Variants in CNTN4 observed in about 807,000 individuals in gnomAD.
The protein encoded by CNTN4 is contactin-4.
A neutral mutation model predicts 122.5 loss-of-function variants in CNTN4; 77 were observed. The ratio of observed to expected loss-of-function variants is 0.63; its 90% CI spans 0.52 to 0.76. The LOEUF (loss-of-function observed/expected upper bound fraction) is 0.76, where lower values mean the gene tolerates loss of function less well. CNTN4 is among the 30% of genes least tolerant of loss of function. The probability of loss-of-function intolerance (pLI) is 0.00; values close to 1 mark genes in which losing one functional copy is unlikely to be tolerated. For missense variants in CNTN4, 1,256 were observed against 1,259.1 expected, an observed-to-expected ratio of 1.00 and a Z score of 0.04; for synonymous variants, 512 against 447.0, an observed-to-expected ratio of 1.15 and a Z score of -1.83.
At chr3:2,909,171 C>T (rs1172739337) in intron 12 of CNTN4, among the ~76,000 whole-genome samples, 4 of 152,280 alleles carry the variant, frequency 2.6e-5, no homozygotes, top group Admixed American at 6.5e-5. Flanking sequence ...TGATCAGCAT[C>T]GAATGAGAGG....
At chr3:2,958,431 T>C (rs929044404) in intron 13 of CNTN4, among the ~76,000 whole-genome samples, 13 of 152,206 alleles carry the variant, frequency 8.5e-5, no homozygotes, top group Non-Finnish European at 1.8e-4. Flanking sequence ...ACTCAGTTTA[T>C]TGAATTCTCA....
intron 3 of CNTN4, among the ~76,000 whole-genome samples, chr3:2,361,518 A>T (rs2045138478): frequency 6.6e-6 from 1 of 152,092 alleles, no homozygotes; most frequent in Non-Finnish European, 1.5e-5. Flanking sequence ...TCTGTACTAT[A>T]CCCTGGGGTC....
intron 3 of CNTN4, among the ~76,000 whole-genome samples, chr3:2,419,956 G>T (rs564963363): frequency 1.3e-5 from 2 of 151,984 alleles, no homozygotes; most frequent in Non-Finnish European, 2.9e-5. Context: ...GTTACAGATC[G>T]AATTGTCCCA....
At chr3:2,516,052 TGTTA>T (rs1300566784) in intron 3 of CNTN4, among the ~76,000 whole-genome samples, 2 of 152,100 alleles carry the variant, frequency 1.3e-5, no homozygotes, top group African/African-American at 2.4e-5. Context: ...AGCTTTTAAA[TGTTA>T]GTTGAAATAC....
Position 2,653,125 on chromosome 3 carries a change from G to A in CNTN4, c.55+81567G>A, listed in dbSNP as rs575086971. Among the ~76,000 whole-genome samples, 484 of 151,888 alleles carry A rather than the reference G, an allele frequency of 3.2e-3. 2 individuals carry two copies. The highest frequency in any genetic ancestry group is 0.011 in the African/African-American group (461 of 41,436). ...ATCAGTTCTCTATCATTTTTAAAGGGGGAATTTTAAAACATACGCGTTAAT... is the reference window on the plus strand; with the variant it reads ...ATCAGTTCTCTATCATTTTTAAAGGAGGAATTTTAAAACATACGCGTTAAT... On this transcript the variant is annotated intron_variant, in intron 4 of 24. Coordinates refer to ENST00000418658, the MANE Select transcript of CNTN4 (RefSeq NM_175607.3).
At chr3:2,294,633 C>T (rs1382036186) in intron 2 of CNTN4, among the ~76,000 whole-genome samples, 2 of 151,868 alleles carry the variant, frequency 1.3e-5, no homozygotes, top group African/African-American at 4.8e-5. Flanking sequence ...GTTTCAAAAA[C>T]AACAACAACA....
At chr3:2,850,762 T>C (rs561395274) in intron 7 of CNTN4, among the ~76,000 whole-genome samples, 1 of 152,376 alleles carries the variant, frequency 6.6e-6, no homozygotes, top group Admixed American at 6.5e-5. Flanking sequence ...AATAGATTTG[T>C]GTATTTTTCA....
intron 2 of CNTN4, among the ~76,000 whole-genome samples, chr3:2,195,067 C>T (rs2037773636): frequency 6.6e-6 from 1 of 152,332 alleles, no homozygotes. Flanking sequence ...CCCATTCCCT[C>T]CTTCCCTACA....
chr3:2,851,859 A>G (rs2093555866), intron 7 of CNTN4, among the ~76,000 whole-genome samples: 1 of 152,246 alleles, frequency 6.6e-6, no homozygotes, highest in East Asian at 1.9e-4. Flanking sequence ...AAGAAGAAGA[A>G]AAAATAATAA....
At chr3:2,797,137 A>T (rs2092211312) in intron 6 of CNTN4, among the ~76,000 whole-genome samples, 1 of 152,170 alleles carries the variant, frequency 6.6e-6, no homozygotes, top group Non-Finnish European at 1.5e-5. Flanking sequence ...AGTAGCTAGA[A>T]TTATAGGTGT....
chr3:2,447,817 T>C (rs190663911), intron 3 of CNTN4, among the ~76,000 whole-genome samples: 1 of 152,310 alleles, frequency 6.6e-6, no homozygotes, highest in Admixed American at 6.5e-5. Context: ...TGTTAATAAG[T>C]ACTTCAAATG....
chr3:2,866,342 A>G, intron 7 of CNTN4: 1 of 314,994 alleles, frequency 3.2e-6, no homozygotes, highest in South Asian at 7.2e-5. Flanking sequence ...TCTATAAAAC[A>G]AAAGAAATGA....
intron 3 of CNTN4, among the ~76,000 whole-genome samples, chr3:2,371,774 A>G (rs1393216801): frequency 6.6e-6 from 1 of 152,222 alleles, no homozygotes; most frequent in Admixed American, 6.5e-5. Context: ...CCTGTCTGTT[A>G]AAATATTCTC....
chr3:2,794,882 C>A lies in CNTN4; in HGVS notation c.359-24604C>A, dbSNP rs114609925. Among the ~76,000 whole-genome samples the A allele has an allele frequency of 8.4e-3, 1,272 of 152,256 alleles. 19 individuals carry two copies. Among genetic ancestry groups the A allele is most frequent in the African/African-American group, 0.028 (1,177 of 41,546 alleles). On this transcript the variant is annotated intron_variant, in intron 6 of 24. Transcript: ENST00000418658. ...TCACGTGGTGGAAGGGGCAAGGGAG[C>A]TCTGTCGGGCCTATTAGGGGACTAA... is the stretch of plus-strand genomic sequence containing the variant.
At chr3:2,933,853 A>G (rs1207634293) in intron 13 of CNTN4, among the ~76,000 whole-genome samples, 1 of 152,160 alleles carries the variant, frequency 6.6e-6, no homozygotes, top group Non-Finnish European at 1.5e-5. Flanking sequence ...TGGAGTGCAT[A>G]TGTTCATCCA....
Position 3,043,110 on chromosome 3 carries a change from C to T in CNTN4, c.2645C>T (p.Ser882Phe). 1 of 1,614,172 alleles carries T rather than the reference C, an allele frequency of 6.2e-7. No homozygotes were observed. The highest frequency in any genetic ancestry group is 1.3e-5 in the African/African-American group (1 of 75,038). ...LYHLAVKAYNSAGTGPSSATV... is the reference protein window; with the variant it reads ...LYHLAVKAYNFAGTGPSSATV... ...CACTTAGCTGTCAAGGCATATAATTCTGCTGGGACAGGCCCCTCTAGTGCA... is the reference window on the plus strand; with the variant it reads ...CACTTAGCTGTCAAGGCATATAATTTTGCTGGGACAGGCCCCTCTAGTGCA... Residue 882 changes from serine to phenylalanine, a missense_variant, in exon 22 of 25, where the codon TCT becomes TTT. By Grantham distance (155) the Ser-to-Phe change is radical. Transcript: ENST00000418658.
chr3:2,993,143 T>C (rs116289799), intron 14 of CNTN4, among the ~76,000 whole-genome samples: 2,343 of 152,164 alleles, frequency 0.015, 67 homozygotes, highest in African/African-American at 0.052. Flanking sequence ...AAAAGAACAA[T>C]AATATTTTTG....
At chr3:2,862,148 G>A (rs1416319403) in intron 7 of CNTN4, among the ~76,000 whole-genome samples, 1 of 152,164 alleles carries the variant, frequency 6.6e-6, no homozygotes, top group African/African-American at 2.4e-5. Flanking sequence ...GTTAAGAAAG[G>A]CATCTTTGAA....
intron 3 of CNTN4, among the ~76,000 whole-genome samples, chr3:2,530,646 G>A (rs2077565750): frequency 6.6e-6 from 1 of 151,932 alleles, no homozygotes; most frequent in Non-Finnish European, 1.5e-5. Flanking sequence ...TGGGACTATG[G>A]CCTCTAATTT....
Sources: gnomAD v4.1 joint callset for allele counts (sites outside exome capture counted in the v4.1 genomes callset) on GRCh38, gnomAD v4.1.1 for gene constraint, MANE v1.5 for transcripts, NCBI Gene and HGNC (gene_info 2026-07-23, HGNC 2026-07-21) for gene names.